Variants in PARD3 observed in about 807,000 individuals in gnomAD.
The protein encoded by PARD3 is par-3 family cell polarity regulator, also known as partitioning defective 3 homolog.
Under a neutral mutation model 155.4 loss-of-function variants are expected in PARD3, and 75 were observed. The ratio of observed to expected loss-of-function variants is 0.48; its 90% CI spans 0.40 to 0.58. The LOEUF (loss-of-function observed/expected upper bound fraction) is 0.58, where lower values mean the gene tolerates loss of function less well. PARD3 is among the 20% of genes least tolerant of loss of function. PARD3 has a pLI of 0.00. For synonymous variants in PARD3, 576 were observed against 610.5 expected (o/e 0.94, Z 0.83); for missense variants, 1,642 against 1,721.7 (o/e 0.95, Z 0.82).
At chr10:34,487,463 T>G (rs1481566303) in intron 3 of PARD3, among the ~76,000 whole-genome samples, 1 of 152,042 alleles carries the variant, frequency 6.6e-6, no homozygotes, top group Non-Finnish European at 1.5e-5. Context: ...TCTCTGTCCT[T>G]TTCACATTGA....
At chr10:34,746,311 T>G (rs1590926493) in intron 1 of PARD3, among the ~76,000 whole-genome samples, 2 of 150,222 alleles carry the variant, frequency 1.3e-5, no homozygotes. Flanking sequence ...TAGCTGGGCA[T>G]GGCAGCACAC....
chr10:34,676,328 G>A (rs972188951), intron 2 of PARD3, among the ~76,000 whole-genome samples: 12 of 152,112 alleles, frequency 7.9e-5, no homozygotes, highest in African/African-American at 2.9e-4. Context: ...GAAACAAAAC[G>A]CTCTGAAGAG....
intron 22 of PARD3, among the ~76,000 whole-genome samples, chr10:34,134,254 C>T (rs1472281454): frequency 1.3e-5 from 2 of 152,186 alleles, no homozygotes; most frequent in Non-Finnish European, 2.9e-5. Flanking sequence ...AGTGGGCATT[C>T]CCGAATCTCA....
intron 21 of PARD3, among the ~76,000 whole-genome samples, chr10:34,282,817 C>T (rs941842610): frequency 1.3e-5 from 2 of 152,094 alleles, no homozygotes; most frequent in Admixed American, 1.3e-4. Context: ...ATGGCACACA[C>T]ACTAAGGAAC....
intron 3 of PARD3, among the ~76,000 whole-genome samples, chr10:34,483,508 A>G (rs1022627885): frequency 1.1e-4 from 16 of 150,876 alleles, no homozygotes; most frequent in South Asian, 4.2e-4. Context: ...AAGAGAGAGA[A>G]AAAAAAACAG....
At chr10:34,337,177 A>G (rs1836282334) in intron 17 of PARD3, 98 bp downstream of exon 17, 5 of 729,970 alleles carry the variant, frequency 6.8e-6, no homozygotes, top group African/African-American at 1.8e-5. Flanking sequence ...TATTTTCTCT[A>G]TTGCTCAAAG....
intron 1 of PARD3, among the ~76,000 whole-genome samples, chr10:34,795,066 TGA>T (rs1174535042): frequency 6.6e-6 from 1 of 152,168 alleles, no homozygotes; most frequent in African/African-American, 2.4e-5. Flanking sequence ...GTCTAAAACT[TGA>T]GAGAGTGACA....
At chr10:34,586,512 T>C (rs1564382547) in intron 2 of PARD3, among the ~76,000 whole-genome samples, 3 of 152,148 alleles carry the variant, frequency 2.0e-5, no homozygotes, top group Non-Finnish European at 2.9e-5. Flanking sequence ...AAATCCACCT[T>C]ATTCATCACT....
chr10:34,219,220 C>T (rs11009684), intron 22 of PARD3, among the ~76,000 whole-genome samples: 4,843 of 152,046 alleles, frequency 0.032, 112 homozygotes, highest in East Asian at 0.13. Flanking sequence ...TCATAGAAGG[C>T]GGTCTTAGGA....
chr10:34,432,041 C>CAAAAAAAAAAAAAAAAAAAA (rs142848273), intron 5 of PARD3, among the ~76,000 whole-genome samples: 7 of 21,592 alleles, frequency 3.2e-4, no homozygotes, highest in Admixed American at 2.0e-3. Flanking sequence ...GACTCTGTCT[C>CAAAAAAAAAAAAAAAAAAAA]AAAAAAAAAA....
intron 22 of PARD3, among the ~76,000 whole-genome samples, chr10:34,169,326 G>T (rs1274485): frequency 6.6e-6 from 1 of 151,992 alleles, no homozygotes; most frequent in African/African-American, 2.4e-5. Flanking sequence ...TTCCATGATG[G>T]TGACAAAAGG....
At chr10:34,252,277 C>G (rs1262665453) in intron 22 of PARD3, among the ~76,000 whole-genome samples, 2 of 152,150 alleles carry the variant, frequency 1.3e-5, no homozygotes, top group Non-Finnish European at 2.9e-5. Flanking sequence ...CAGGTGTGTG[C>G]TCCTGAGAGT....
intron 1 of PARD3, among the ~76,000 whole-genome samples, chr10:34,801,453 C>T (rs568779404): frequency 2.6e-4 from 39 of 152,156 alleles, no homozygotes; most frequent in African/African-American, 8.7e-4. Context: ...ATGAAAAAGA[C>T]GGATGAGAGG....
At chr10:34,592,797 T>G (rs1001025647) in intron 2 of PARD3, among the ~76,000 whole-genome samples, 3 of 152,070 alleles carry the variant, frequency 2.0e-5, no homozygotes, top group African/African-American at 7.2e-5. Context: ...ATAATAATCA[T>G]GCATATTTCA....
chr10:34,111,070 C>T lies in PARD3; in HGVS notation c.*99G>A, dbSNP rs1421038296. On this transcript the variant is annotated 3_prime_UTR_variant, in exon 25 of 25. Transcript: ENST00000374788. ...CACTGATACCAACAACAGAAATACT[C>T]CATAGTACCATCGAGGTTTTAAAAA... The T allele has an allele frequency of 7.6e-7, 1 of 1,320,858 alleles. No homozygotes were observed. The highest frequency in any genetic ancestry group is 1.5e-5 in the African/African-American group (1 of 68,094). The allele number at this position is 1,320,858 out of a possible 1,614,324, so 81.8% of individuals were successfully genotyped here.
Position 34,636,456 on chromosome 10 carries a change from C to T in PARD3, c.222+59862G>A, listed in dbSNP as rs566069679. Reference sequence around the variant, plus strand: ...CCCCCTGTCCAGTCCCTCCACCCCACCACAAAGGCCGCTGGCGAGAGGCTT... The same window carrying T: ...CCCCCTGTCCAGTCCCTCCACCCCATCACAAAGGCCGCTGGCGAGAGGCTT... On this transcript the variant is annotated intron_variant, in intron 2 of 24. Transcript: ENST00000374788. Among the ~76,000 whole-genome samples the T allele has an allele frequency of 2.0e-5, 3 of 152,322 alleles. No individual in the cohort carries two copies. In the East Asian group the frequency reaches 5.8e-4, roughly 29 times the overall value.
chr10:34,497,639 C>T (rs2080384225), intron 3 of PARD3, among the ~76,000 whole-genome samples: 1 of 152,138 alleles, frequency 6.6e-6, no homozygotes, highest in South Asian at 2.1e-4. Context: ...TGACTTTATA[C>T]AACATTCATT....
chr10:34,271,031 C>T (rs1564536329), intron 21 of PARD3, among the ~76,000 whole-genome samples: 1 of 152,064 alleles, frequency 6.6e-6, no homozygotes. Flanking sequence ...AAAATATCTC[C>T]TTTATATACT....
intron 22 of PARD3, among the ~76,000 whole-genome samples, chr10:34,173,869 TG>T (rs1395892898): frequency 6.6e-6 from 1 of 152,220 alleles, no homozygotes; most frequent in Non-Finnish European, 1.5e-5. Context: ...GAAGTTTAAC[TG>T]GTGAATGTGG....
Sources: allele counts gnomAD v4.1 joint callset (sites outside exome capture counted in the v4.1 genomes callset), GRCh38; gene constraint gnomAD v4.1.1; transcripts MANE v1.5; gene names NCBI Gene and HGNC (gene_info 2026-07-23, HGNC 2026-07-21).